Variants in ALDH2 observed in about 807,000 individuals in gnomAD.
ALDH2 encodes the protein aldehyde dehydrogenase 2 family member.
ALDH2 carries 44 observed loss-of-function variants against 59.6 expected under a neutral mutation model. The ratio of observed to expected loss-of-function variants is 0.74; its 90% CI spans 0.58 to 0.95. The LOEUF is 0.95. Among genes scored for constraint, ALDH2 ranks in the 40% least tolerant of loss-of-function variants. ALDH2 has a pLI of 0.00. For missense variants in ALDH2, 570 were observed against 696.3 expected (o/e 0.82, Z 2.04); for synonymous variants, 291 against 284.0 (o/e 1.02, Z -0.25).
chr12:111,796,692 G>T (rs1180087986), intron 9 of ALDH2, among the ~76,000 whole-genome samples: 1 of 152,058 alleles, frequency 6.6e-6, no homozygotes, highest in Non-Finnish European at 1.5e-5. Context: ...AATTACTTGA[G>T]CCCAGGAGTT....
intron 1 of ALDH2, among the ~76,000 whole-genome samples, chr12:111,779,598 G>A (rs1272339765): frequency 6.6e-6 from 1 of 152,232 alleles, no homozygotes; most frequent in African/African-American, 2.4e-5. Flanking sequence ...CCGAGACTCT[G>A]GCCCAGAGTG....
chr12:111,800,593 TA>T (rs772660006), intron 11 of ALDH2, among the ~76,000 whole-genome samples: 1 of 152,102 alleles, frequency 6.6e-6, no homozygotes, highest in Non-Finnish European at 1.5e-5. Context: ...CCTGGACAAT[TA>T]AAAAACATTT....
At chr12:111,806,853 C>T (rs907260959) in intron 12 of ALDH2, among the ~76,000 whole-genome samples, 1 of 151,928 alleles carries the variant, frequency 6.6e-6, no homozygotes, top group African/African-American at 2.4e-5. Context: ...TGTCTGTGGT[C>T]CCAGCTGCTT....
intron 12 of ALDH2, among the ~76,000 whole-genome samples, chr12:111,804,800 G>A (rs1248912594): frequency 6.6e-6 from 1 of 150,590 alleles, no homozygotes; most frequent in Non-Finnish European, 1.5e-5. Context: ...TTGGAATGGA[G>A]CAATTCCCAC....
intron 4 of ALDH2, among the ~76,000 whole-genome samples, chr12:111,789,017 C>CTTT (rs1224537015): frequency 3.2e-5 from 4 of 125,158 alleles, no homozygotes; most frequent in Middle Eastern, 3.8e-3. Flanking sequence ...TCTTTCTTTT[C>CTTT]TTTTTTTTTT....
At chr12:111,783,071 C>A in intron 2 of ALDH2, 87 bp from the exon 3 acceptor site, 11 of 1,519,010 alleles carry the variant, frequency 7.2e-6, no homozygotes, top group Non-Finnish European at 8.9e-6. Flanking sequence ...TGCTGATGAC[C>A]TTCTGGATGT....
chr12:111,804,178 C>T (rs1384460033), intron 12 of ALDH2, among the ~76,000 whole-genome samples: 1 of 152,094 alleles, frequency 6.6e-6, no homozygotes, highest in Non-Finnish European at 1.5e-5. Flanking sequence ...GCTGGGCGGG[C>T]CACCTTTTGG....
chr12:111,770,268 A>G (rs963630295), intron 1 of ALDH2, among the ~76,000 whole-genome samples: 21 of 152,090 alleles, frequency 1.4e-4, no homozygotes, highest in Admixed American at 3.9e-4. Context: ...GTGCCTCCAT[A>G]TTGACTGCAG....
Position 111,792,612 on chromosome 12 carries a change from G to A in ALDH2, c.913G>A (p.Glu305Lys), listed in dbSNP as rs2068370253. Residue 305 changes from glutamate (E) to lysine (K), a missense_variant, in exon 9 of 13, where the codon GAA becomes AAA. Glu to Lys is a moderately conservative substitution (Grantham distance 56). Transcript: ENST00000261733. ...ACTTCCCGCAGTGGATTGGGCCGTG[G>A]AACAGGCCCACTTCGCCCTGTTCTT... Reference protein sequence around the residue: ...MSDADMDWAVEQAHFALFFNQ... With the variant: ...MSDADMDWAVKQAHFALFFNQ... 1 of 1,612,484 alleles carries A rather than the reference G, an allele frequency of 6.2e-7. No individual in the cohort carries two copies.
intron 8 of ALDH2, 99 bp downstream of exon 8, chr12:111,792,262 G>T: frequency 1.1e-6 from 1 of 946,100 alleles, no homozygotes; most frequent in Non-Finnish European, 1.6e-6. Flanking sequence ...GCCCAATGGC[G>T]TTGGTTGCTG....
chr12:111,772,017 T>C (rs768685077), intron 1 of ALDH2, among the ~76,000 whole-genome samples: 12 of 151,934 alleles, frequency 7.9e-5, no homozygotes, highest in Non-Finnish European at 1.8e-4. Context: ...GAGAATCACT[T>C]TAACCCGGGA....
intron 4 of ALDH2, among the ~76,000 whole-genome samples, chr12:111,789,174 C>T (rs1379190897): frequency 2.6e-5 from 4 of 151,064 alleles, no homozygotes; most frequent in Admixed American, 6.6e-5. Flanking sequence ...CCCGCCACCA[C>T]GCCCAGCTAA....
At chr12:111,806,954 G>A (rs1478537679) in intron 12 of ALDH2, among the ~76,000 whole-genome samples, 1 of 151,022 alleles carries the variant, frequency 6.6e-6, no homozygotes, top group African/African-American at 2.4e-5. Flanking sequence ...GGGCAACAGA[G>A]CAAGACTCTG....
At chr12:111,778,091 G>A (rs1054070833) in intron 1 of ALDH2, among the ~76,000 whole-genome samples, 6 of 152,122 alleles carry the variant, frequency 3.9e-5, no homozygotes, top group African/African-American at 1.4e-4. Context: ...CCCTGCCATC[G>A]TCATGGCGTT....
intron 4 of ALDH2, among the ~76,000 whole-genome samples, chr12:111,786,248 A>T (rs866388303): frequency 2.0e-5 from 3 of 151,794 alleles, no homozygotes; most frequent in South Asian, 2.1e-4. Context: ...TATTATTATT[A>T]TTTTTTGAGA....
In ALDH2 at chr12:111,803,871, T is replaced by C; in HGVS notation, c.1419T>C (p.Tyr473=). The C allele has an allele frequency of 1.2e-6, 2 of 1,611,958 alleles. No individual in the cohort carries two copies. Among genetic ancestry groups the C allele is most frequent in the Non-Finnish European group, 1.7e-6 (2 of 1,178,922 alleles). Residue 473 remains tyrosine (Y), a synonymous_variant, in exon 12 of 13, where the codon TAT becomes TAC. Transcript: ENST00000261733. ...LQAGTVWVNC[Y]DVFGAQSPFG... ...TTTCAAATTACAGGGTCAACTGCTA[T>C]GATGTGTTTGGAGCCCAGTCACCCT...
chr12:111,793,978 T>G (rs148215148), intron 9 of ALDH2, among the ~76,000 whole-genome samples: 62 of 150,728 alleles, frequency 4.1e-4, no homozygotes, highest in Admixed American at 3.4e-3. Flanking sequence ...TATTCTTCCC[T>G]CTTTTCCTCC....
intron 1 of ALDH2, among the ~76,000 whole-genome samples, chr12:111,772,798 A>G (rs573032973): frequency 6.6e-6 from 1 of 151,310 alleles, no homozygotes; most frequent in Non-Finnish European, 1.5e-5. Flanking sequence ...GTCAGCCACT[A>G]GAGGCACTGG....
intron 9 of ALDH2, among the ~76,000 whole-genome samples, chr12:111,797,493 C>T (rs1204709537): frequency 3.3e-5 from 5 of 151,826 alleles, no homozygotes; most frequent in African/African-American, 7.3e-5. Flanking sequence ...CCCAGCTACT[C>T]GGGAGGCTGA....
Sources: allele counts gnomAD v4.1 joint callset (sites outside exome capture counted in the v4.1 genomes callset), GRCh38; gene constraint gnomAD v4.1.1; transcripts MANE v1.5; gene names NCBI Gene and HGNC (gene_info 2026-07-23, HGNC 2026-07-21).